LMBR1: variants seen among roughly 807,000 people sequenced by gnomAD.
LMBR1 encodes the protein limb development membrane protein 1.
Under a neutral mutation model 73.9 loss-of-function variants are expected in LMBR1, and 52 were observed. The observed-to-expected ratio is 0.70, with a 90% CI of 0.56 to 0.89. The LOEUF is 0.89. Among genes scored for constraint, LMBR1 ranks in the 40% least tolerant of loss-of-function variants. LMBR1 has a pLI of 0.00. For synonymous variants in LMBR1, 215 were observed against 209.4 expected, an observed-to-expected ratio of 1.03 and a Z score of -0.23; for missense variants, 539 against 579.8, an observed-to-expected ratio of 0.93 and a Z score of 0.72.
At chr7:156,816,535 C>T (rs551028117) in intron 4 of LMBR1, among the ~76,000 whole-genome samples, 1 of 152,248 alleles carries the variant, frequency 6.6e-6, no homozygotes, top group Admixed American at 6.5e-5. Flanking sequence ...AAATTAGATG[C>T]CTGTTTCATG....
At chr7:156,836,662 T>C (rs1483353919) in intron 2 of LMBR1, 151 bp downstream of exon 2, 1 of 471,194 alleles carries the variant, frequency 2.1e-6, no homozygotes, top group African/African-American at 2.0e-5. Flanking sequence ...TGGAGGTTAT[T>C]TTTAGGTCTC....
At chr7:156,673,407 A>G (rs1293109741), downstream of LMBR1, among the ~76,000 whole-genome samples, 1 of 152,236 alleles carries the variant, frequency 6.6e-6, no homozygotes, top group African/African-American at 2.4e-5. Flanking sequence ...ATTTATTTAG[A>G]TATTATTAGA....
At chr7:156,697,236 A>T (rs1404158762) in intron 15 of LMBR1, among the ~76,000 whole-genome samples, 1 of 152,124 alleles carries the variant, frequency 6.6e-6, no homozygotes, top group Non-Finnish European at 1.5e-5. Context: ...AAGGGCAAAA[A>T]GCAGAACTAC....
chr7:156,697,589 G>A (rs1480830123), intron 15 of LMBR1, among the ~76,000 whole-genome samples: 1 of 152,102 alleles, frequency 6.6e-6, no homozygotes, highest in African/African-American at 2.4e-5. Context: ...TTCCTTTCTA[G>A]GAAATGAATT....
chr7:156,852,773 C>T (rs889948439), intron 1 of LMBR1, among the ~76,000 whole-genome samples: 1 of 152,096 alleles, frequency 6.6e-6, no homozygotes, highest in Non-Finnish European at 1.5e-5. Context: ...CTGTTAAAAT[C>T]CCATGATGCA....
downstream of LMBR1, chr7:156,675,865 T>C (rs3823617): frequency 0.035 from 56,700 of 1,610,308 alleles, 1,445 homozygotes; most frequent in East Asian, 0.11. Context: ...CAAGTGCAGG[T>C]AGGTTTGGCT....
chr7:156,830,738 C>T (rs1836536197), intron 3 of LMBR1, among the ~76,000 whole-genome samples: 2 of 152,190 alleles, frequency 1.3e-5, no homozygotes, highest in Admixed American at 6.5e-5. Flanking sequence ...GATTCTTAAG[C>T]GGTAACACTG....
intron 7 of LMBR1, among the ~76,000 whole-genome samples, chr7:156,762,753 G>A (rs1368155560): frequency 1.3e-5 from 2 of 152,048 alleles, no homozygotes; most frequent in African/African-American, 4.8e-5. Flanking sequence ...ATGGGGGTGA[G>A]GCTATAGCAT....
At chr7:156,803,780 T>G (rs1249602356) in intron 4 of LMBR1, among the ~76,000 whole-genome samples, 1 of 151,892 alleles carries the variant, frequency 6.6e-6, no homozygotes, top group East Asian at 1.9e-4. Context: ...TAAGAAAATG[T>G]GGCACATATA....
intron 1 of LMBR1, among the ~76,000 whole-genome samples, chr7:156,866,376 T>G (rs1486565473): frequency 2.6e-5 from 4 of 151,892 alleles, no homozygotes; most frequent in Non-Finnish European, 2.9e-5. Context: ...TAAGCTATTT[T>G]GAAACAAAAA....
chr7:156,793,789 G>C (rs1274031926), intron 5 of LMBR1, among the ~76,000 whole-genome samples: 1 of 151,998 alleles, frequency 6.6e-6, no homozygotes, highest in Non-Finnish European at 1.5e-5. Context: ...TGAAGTCCTG[G>C]GCTATGTGCA....
intron 9 of LMBR1, among the ~76,000 whole-genome samples, chr7:156,740,272 C>T (rs1452229980): frequency 6.6e-6 from 1 of 151,798 alleles, no homozygotes; most frequent in African/African-American, 2.4e-5. Flanking sequence ...CTAAAAGGAG[C>T]AAATCTAAGA....
intron 16 of LMBR1, 46 bp from the exon 17 acceptor site, chr7:156,684,209 T>C (rs1483506890): frequency 4.8e-6 from 7 of 1,453,986 alleles, no homozygotes; most frequent in Non-Finnish European, 6.8e-6. Flanking sequence ...TATTGCTGAG[T>C]GGCTGGGAAA....
chr7:156,703,765 C>T (rs1810307187), intron 15 of LMBR1, among the ~76,000 whole-genome samples: 1 of 152,146 alleles, frequency 6.6e-6, no homozygotes, highest in Admixed American at 6.5e-5. Flanking sequence ...TCCAGCTCTG[C>T]CTGGGCCCTT....
At chr7:156,742,259 CA>C (rs1819035171) in intron 9 of LMBR1, among the ~76,000 whole-genome samples, 1 of 151,314 alleles carries the variant, frequency 6.6e-6, no homozygotes, top group Admixed American at 6.6e-5. Context: ...AAACCAAACC[CA>C]AAATTAATAA....
chr7:156,791,557 T>TA (rs1342403163), intron 5 of LMBR1, among the ~76,000 whole-genome samples: 3 of 152,160 alleles, frequency 2.0e-5, no homozygotes, highest in Admixed American at 2.0e-4. Flanking sequence ...AGAAACATAT[T>TA]AAAAAAATCT....
At chr7:156,715,253 A>C (rs1812970794) in intron 15 of LMBR1, among the ~76,000 whole-genome samples, 1 of 152,100 alleles carries the variant, frequency 6.6e-6, no homozygotes, top group African/African-American at 2.4e-5. Context: ...CACCCAGCCA[A>C]AAAATAACTT....
intron 15 of LMBR1, among the ~76,000 whole-genome samples, chr7:156,690,413 T>C (rs186611629): frequency 3.4e-4 from 52 of 152,318 alleles, no homozygotes; most frequent in African/African-American, 9.4e-4. Context: ...TGGGTAATCC[T>C]ACCAGCCCTG....
chr7:156,776,818 T>C (rs926074870), intron 5 of LMBR1, among the ~76,000 whole-genome samples: 22 of 152,160 alleles, frequency 1.4e-4, no homozygotes, highest in Non-Finnish European at 2.1e-4. Context: ...CAAAAAAACT[T>C]TGTATTATAC....
Sources: allele counts gnomAD v4.1 joint callset (sites outside exome capture counted in the v4.1 genomes callset), GRCh38; gene constraint gnomAD v4.1.1; transcripts MANE v1.5; gene names NCBI Gene and HGNC (gene_info 2026-07-23, HGNC 2026-07-21).